ATP6V1B2: variants seen among roughly 807,000 people sequenced by gnomAD.
ATP6V1B2 encodes V-type proton ATPase subunit B, brain isoform.
A neutral mutation model predicts 66.7 loss-of-function variants in ATP6V1B2; 23 were observed. That is an observed-to-expected ratio of 0.34 (90% CI 0.25 to 0.49). The LOEUF (loss-of-function observed/expected upper bound fraction) is 0.49, where lower values mean the gene tolerates loss of function less well. Among genes scored for constraint, ATP6V1B2 ranks in the 20% least tolerant of loss-of-function variants. ATP6V1B2 has a pLI of 0.99. For missense variants in ATP6V1B2, 478 were observed against 650.8 expected, an observed-to-expected ratio of 0.73 and a Z score of 2.89; for synonymous variants, 278 against 236.7, an observed-to-expected ratio of 1.17 and a Z score of -1.60.
intron 1 of ATP6V1B2, among the ~76,000 whole-genome samples, chr8:20,201,689 G>C (rs1371138875): frequency 1.3e-5 from 2 of 152,096 alleles, no homozygotes; most frequent in Admixed American, 6.5e-5. Flanking sequence ...AAACTTATCA[G>C]GGCCTTAGTT....
intron 1 of ATP6V1B2, among the ~76,000 whole-genome samples, chr8:20,198,810 C>G (rs556516369): frequency 2.4e-4 from 37 of 152,222 alleles, no homozygotes; most frequent in African/African-American, 8.4e-4. Context: ...TGAGATGTGC[C>G]TTTTACAGTA....
chr8:20,198,271 C>T (rs2072649096), intron 1 of ATP6V1B2, among the ~76,000 whole-genome samples: 1 of 152,202 alleles, frequency 6.6e-6, no homozygotes, highest in South Asian at 2.1e-4. Flanking sequence ...CTTAAATTCT[C>T]GCTGGGCCTT....
At chr8:20,216,619 T>C (rs924459543) in intron 11 of ATP6V1B2, 124 bp downstream of exon 11, 2 of 835,700 alleles carry the variant, frequency 2.4e-6, no homozygotes, top group African/African-American at 3.5e-5. Context: ...GTTTTTAATA[T>C]GGTTATAAAA....
intron 1 of ATP6V1B2, among the ~76,000 whole-genome samples, chr8:20,200,664 A>G (rs1392631412): frequency 6.6e-6 from 1 of 152,178 alleles, no homozygotes; most frequent in Admixed American, 6.5e-5. Context: ...ACATACATAG[A>G]GCTTTCGGGT....
At chr8:20,216,188 C>T (rs1276780929) in intron 10 of ATP6V1B2, 16 of 357,928 alleles carry the variant, frequency 4.5e-5, no homozygotes, top group Non-Finnish European at 5.0e-5. Context: ...TTGTTAGCCA[C>T]GTTTCAAGTG....
At chr8:20,201,255 G>T (rs1355159707) in intron 1 of ATP6V1B2, among the ~76,000 whole-genome samples, 1 of 152,182 alleles carries the variant, frequency 6.6e-6, no homozygotes, top group Non-Finnish European at 1.5e-5. Flanking sequence ...TTTTCATTTG[G>T]AGAGGAGTGG....
intron 13 of ATP6V1B2, among the ~76,000 whole-genome samples, chr8:20,218,940 A>C (rs1420020017): frequency 1.3e-5 from 2 of 151,862 alleles, no homozygotes; most frequent in African/African-American, 4.8e-5. Flanking sequence ...ATTTTTATCT[A>C]CCTCTGCTAT....
intron 7 of ATP6V1B2, 45 bp downstream of exon 7, chr8:20,211,798 G>T: frequency 6.8e-7 from 1 of 1,469,322 alleles, no homozygotes; most frequent in Middle Eastern, 1.7e-4. Context: ...AATTTTGCTT[G>T]TGTCGTGAGA....
chr8:20,218,319 CAT>C (rs745456110), intron 13 of ATP6V1B2, 37 bp downstream of exon 13: 10 of 1,594,578 alleles, frequency 6.3e-6, no homozygotes, highest in Non-Finnish European at 8.5e-6. Flanking sequence ...TAAAAAGCCT[CAT>C]ATGTAATTTT....
At chr8:20,215,013 G>T (rs779401744) in intron 10 of ATP6V1B2, 45 bp downstream of exon 10, 1 of 1,585,496 alleles carries the variant, frequency 6.3e-7, no homozygotes, top group Non-Finnish European at 8.6e-7. Context: ...TCATTTTAAA[G>T]AGAGAGAAGA....
At chr8:20,218,077 A>C in intron 12 of ATP6V1B2, 76 bp from the exon 13 acceptor site, 1 of 1,543,858 alleles carries the variant, frequency 6.5e-7, no homozygotes. Context: ...GAACTAGAGC[A>C]GTACATTCCT....
intron 13 of ATP6V1B2, 42 bp downstream of exon 13, chr8:20,218,324 G>A (rs2072875143): frequency 6.3e-7 from 1 of 1,593,156 alleles, no homozygotes. Context: ...AGCCTCATAT[G>A]TAATTTTGAA....
chr8:20,220,113 C>A, intron 13 of ATP6V1B2, 150 bp from the exon 14 acceptor site: 3 of 761,192 alleles, frequency 3.9e-6, no homozygotes, highest in South Asian at 2.3e-5. Context: ...GCCTTCTTTT[C>A]CTCAGTCCTT....
At position 20,208,099 on chromosome 8, in the gene ATP6V1B2, G is replaced by C. The variant is rs565776720; in HGVS notation, c.193-1334G>C. ...AAGGATACTTTTTTATATAGCTAGG[G>C]AGAGTGTAAATTAATAAGGTTCCTT... On this transcript the variant is annotated intron_variant, in intron 2 of 13. Transcript: ENST00000276390. 2.0e-3 allele frequency among the ~76,000 whole-genome samples: 298 copies of C among 152,316 alleles called. 2 individuals are homozygous for C. Among genetic ancestry groups the C allele is most frequent in the African/African-American group, 6.7e-3 (280 of 41,568 alleles).
chr8:20,197,446 G>T lies in ATP6V1B2; in HGVS notation c.40G>T (p.Ala14Ser), dbSNP rs149880251. The part of the protein sequence containing the change: ...RAMRGIVNGA[A>S]PELPVPTGGP... ...GATGCGGGGGATTGTCAACGGGGCCGCACCCGAGCTACCCGTGCCCACCGG... is the reference window on the plus strand; with the variant it reads ...GATGCGGGGGATTGTCAACGGGGCCTCACCCGAGCTACCCGTGCCCACCGG... Residue 14 changes from alanine to serine, a missense_variant, in exon 1 of 14, where the codon GCA becomes TCA. By Grantham distance (99) the Ala-to-Ser change is moderately conservative. Transcript: ENST00000276390. 2,927 of 1,542,432 alleles carry T rather than the reference G, an allele frequency of 1.9e-3. 49 individuals carry two copies. In the African/African-American group the frequency reaches 0.036, roughly 19 times the overall value.
chr8:20,220,086 T>C (rs939682079), intron 13 of ATP6V1B2, among the ~76,000 whole-genome samples, 177 bp from the exon 14 acceptor site: 8 of 152,214 alleles, frequency 5.3e-5, no homozygotes, highest in Non-Finnish European at 8.8e-5. Context: ...TGGTTCCTTA[T>C]GATACTCACT....
chr8:20,211,386 A>T (rs767022577), intron 6 of ATP6V1B2, 70 bp downstream of exon 6: 40 of 1,560,770 alleles, frequency 2.6e-5, no homozygotes, highest in Non-Finnish European at 3.4e-5. Flanking sequence ...ACTGTTACTG[A>T]GAAACCGAAT....
At chr8:20,202,579 T>G (rs1286632426) in intron 1 of ATP6V1B2, among the ~76,000 whole-genome samples, 7 of 152,254 alleles carry the variant, frequency 4.6e-5, no homozygotes, top group East Asian at 1.9e-4. Flanking sequence ...AGTCACTGTT[T>G]CCAGGAAAAG....
intron 3 of ATP6V1B2, among the ~76,000 whole-genome samples, chr8:20,209,762 TAGA>T (rs1481616254): frequency 1.3e-5 from 2 of 152,194 alleles, no homozygotes; most frequent in South Asian, 4.1e-4. Context: ...AGTAGTCATG[TAGA>T]AGGAGAGAGA....
Sources: allele counts gnomAD v4.1 joint callset (sites outside exome capture counted in the v4.1 genomes callset), GRCh38; gene constraint gnomAD v4.1.1; transcripts MANE v1.5; gene names NCBI Gene and HGNC (gene_info 2026-07-23, HGNC 2026-07-21).